The following MKNK2 variants were observed in gnomAD, a reference collection of about 807,000 sequenced individuals.
MKNK2 encodes MAP kinase-interacting serine/threonine-protein kinase 2.
MKNK2 carries 54 observed loss-of-function variants against 55.0 expected under a neutral mutation model. The ratio of observed to expected loss-of-function variants is 0.98; its 90% CI spans 0.79 to 1.23. The LOEUF (loss-of-function observed/expected upper bound fraction) is 1.23. Ranked by LOEUF, MKNK2 falls within the 50% of genes most tolerant of loss-of-function variation. The pLI is 0.00. For synonymous variants in MKNK2, 323 were observed against 256.0 expected (o/e 1.26, Z -2.50); for missense variants, 685 against 632.1 (o/e 1.08, Z -0.90).
In MKNK2 at chr19:2,041,641, G is replaced by A. The variant is rs562887915; in HGVS notation, c.945+199C>T. 1.8e-4 allele frequency among the ~76,000 whole-genome samples: 27 copies of A among 152,228 alleles called. No homozygotes were observed. In the East Asian group the frequency reaches 4.8e-3, roughly 27 times the overall value. On this transcript the variant is annotated intron_variant, in intron 11 of 13. Coordinates refer to ENST00000250896, the MANE Select transcript of MKNK2 (RefSeq NM_199054.3). ...AGGGCACACCGGGCAGGTCCCCAGG[G>A]GTTAGGGGGAGTACAGAGTAGGTCC...
intron 2 of MKNK2, among the ~76,000 whole-genome samples, chr19:2,050,050 G>A (rs1333172939): frequency 1.3e-5 from 2 of 152,146 alleles, no homozygotes; most frequent in South Asian, 2.1e-4. Flanking sequence ...GGGGTGGGGC[G>A]GGCCGGCTGA....
In MKNK2 at chr19:2,050,909, G is replaced by A. The variant is rs1428053522; in HGVS notation, c.-58C>T. On this transcript the variant is annotated 5_prime_UTR_variant, in exon 2 of 14. Coordinates refer to ENST00000250896, the MANE Select transcript of MKNK2 (RefSeq NM_199054.3). ...ACCGAGGGCCCGGGGGGAGGCCCGA[G>A]GGCGGGCGGCCGGGCGGGGGGCGGC... is the stretch of plus-strand genomic sequence containing the variant. The A allele has an allele frequency of 2.9e-6, 4 of 1,368,632 alleles. No homozygotes were observed. Among genetic ancestry groups the A allele is most frequent in the Non-Finnish European group, 2.0e-6 (2 of 1,022,758 alleles). 84.8% of individuals were successfully genotyped at this position (1,368,632 alleles called of 1,614,324 possible).
intron 2 of MKNK2, 76 bp downstream of exon 2, chr19:2,050,725 G>C: frequency 7.2e-7 from 1 of 1,396,222 alleles, no homozygotes; most frequent in Admixed American, 2.1e-5. Flanking sequence ...GATCTTAGGG[G>C]CGGGCCCCGC....
Position 2,042,610 on chromosome 19 carries a change from G to A in MKNK2, c.651C>T (p.Asn217=), listed in dbSNP as rs1307450069. 1.3e-6 allele frequency: 2 copies of A among 1,566,710 alleles called. No homozygotes were observed. The highest frequency in any genetic ancestry group is 1.2e-5 in the South Asian group (1 of 85,260). The stretch of plus-strand genomic sequence containing the variant: ...CACCCTGCCGGAACTGGCCTACCTG[G>A]TTGGGGTGCTCACAGAGGATGTTTT... ...KPENILCEHP[N]QVSPVKICDF... is the part of the protein sequence containing the mutation. Residue 217 remains asparagine (N), a synonymous_variant, in exon 9 of 14, where the codon AAC becomes AAT. Coordinates refer to ENST00000250896, the MANE Select transcript of MKNK2 (RefSeq NM_199054.3).
In MKNK2 at chr19:2,039,106, A is replaced by AG; in HGVS notation, c.*506dup. ...CCCTCCCTTCCCCAACCAAGCCACC[A>AG]GGGGTGCTCTCAGGGTGAGGGATAG... On this transcript the variant is annotated 3_prime_UTR_variant, in exon 14 of 14. Transcript: ENST00000250896. The AG allele has an allele frequency of 1.0e-6, 1 of 987,592 alleles. No individual in the cohort carries two copies. The highest frequency in any genetic ancestry group is 1.2e-6 in the Non-Finnish European group (1 of 831,092). The allele number at this position is 987,592 out of a possible 1,614,324, so 61.2% of individuals were successfully genotyped here.
intron 10 of MKNK2, 62 bp downstream of exon 10, chr19:2,042,365 C>T: frequency 7.0e-7 from 1 of 1,435,526 alleles, no homozygotes; most frequent in Middle Eastern, 2.3e-4. Context: ...GCCCAGGCTC[C>T]GCGAGGTTAT....
At position 2,039,597 on chromosome 19, in the gene MKNK2, A is replaced by T. The variant is rs377172658; in HGVS notation, c.*16T>A. Reference sequence around the variant, plus strand: ...TGGGGGACGGGTGACCTATGTACAGAGGGGAGATGGGAGGGTCAGGCGTGG... The same window carrying T: ...TGGGGGACGGGTGACCTATGTACAGTGGGGAGATGGGAGGGTCAGGCGTGG... On this transcript the variant is annotated 3_prime_UTR_variant, in exon 14 of 14. Transcript: ENST00000250896. 2.4e-5 allele frequency: 38 copies of T among 1,604,836 alleles called. No individual in the cohort carries two copies. The African/African-American group carries it at 4.7e-4, about 20-fold the overall frequency.
At chr19:2,046,317 C>T (rs749928173) in intron 4 of MKNK2, 34 bp from the exon 5 acceptor site, 3 of 1,603,522 alleles carry the variant, frequency 1.9e-6, no homozygotes, top group Admixed American at 3.3e-5. Flanking sequence ...GAGAGGGACC[C>T]TGGCTTTTCC....
In MKNK2 at chr19:2,042,778, G is replaced by T. The variant is rs757298708; in HGVS notation, c.586C>A (p.Leu196Met). The part of the protein sequence containing the change: ...VQDVASALDF[L>M]HNKGIAHRDL... The stretch of plus-strand genomic sequence containing the variant: ...GGTCACCACCTACCTTTGTTATGCA[G>T]AAAGTCCAAGGCGCTGGCCACGTCC... The change falls in exon 8 of 14, where the codon CTG becomes ATG. Residue 196 changes from leucine to methionine, a missense_variant. Coordinates refer to ENST00000250896, the MANE Select transcript of MKNK2 (RefSeq NM_199054.3). 2 of 1,577,604 alleles carry T rather than the reference G, an allele frequency of 1.3e-6. No individual in the cohort carries two copies. Among genetic ancestry groups the T allele is most frequent in the Non-Finnish European group, 8.6e-7 (1 of 1,160,212 alleles).
rs370243588 is a variant in MKNK2, at chr19:2,046,392, G to A, written c.216C>T (p.Thr72=). Residue 72 remains threonine, a synonymous_variant, in exon 4 of 14, where the codon ACC becomes ACT. Coordinates refer to ENST00000250896, the MANE Select transcript of MKNK2 (RefSeq NM_199054.3). ...RGKKKKRGRA[T]DSFSGRFEDV... ...CTTCAAACCTGCCCGAGAAGCTGTC[G>A]GTGGCCCGGCCGCGCTTCTTCTTCT... The A allele has an allele frequency of 8.8e-5, 142 of 1,608,542 alleles. No homozygotes were observed. Among genetic ancestry groups the A allele is most frequent in the African/African-American group, 1.3e-4 (10 of 74,910 alleles).
At chr19:2,047,508 C>G (rs1328817156) in intron 2 of MKNK2, among the ~76,000 whole-genome samples, 2 of 152,202 alleles carry the variant, frequency 1.3e-5, no homozygotes, top group African/African-American at 4.8e-5. Flanking sequence ...GTGTCTTGCA[C>G]CTCCGTCTGC....
At position 2,043,909 on chromosome 19, in the gene MKNK2, G is replaced by A. The variant is rs563289586; in HGVS notation, c.340-327C>T. ...GAATCACTTGAACCCGGGAGGTGGA[G>A]GTTGCAGGGAGCTGAGATCGCGCCA... On this transcript the variant is annotated intron_variant, in intron 5 of 13. Transcript: ENST00000250896. Among the ~76,000 whole-genome samples, 6 of 149,072 alleles carry A rather than the reference G, an allele frequency of 4.0e-5. 1 individual carries two copies. The South Asian group carries it at 1.3e-3, about 32-fold the overall frequency.
In MKNK2 at chr19:2,038,424, A is replaced by G. The variant is rs2016801017; in HGVS notation, c.*1189T>C. On this transcript the variant is annotated 3_prime_UTR_variant, in exon 14 of 14. Coordinates refer to ENST00000250896, the MANE Select transcript of MKNK2 (RefSeq NM_199054.3). ...ACCCTGTATTGCATAGAACGTCCCC[A>G]CCCGCGGGGAGGGGGCAGCAGGCTC... 1.0e-6 allele frequency: 1 copy of G among 984,080 alleles called. No homozygotes were observed. The highest frequency in any genetic ancestry group is 1.8e-5 in the African/African-American group (1 of 56,846). The allele number at this position is 984,080 out of a possible 1,614,324, so 61.0% of individuals were successfully genotyped here.
chr19:2,042,107 G>C (rs2016899501), intron 10 of MKNK2, 73 bp from the exon 11 acceptor site: 1 of 1,345,620 alleles, frequency 7.4e-7, no homozygotes. Flanking sequence ...GGTAACTGCG[G>C]GTCACCTGCG....
intron 10 of MKNK2, 56 bp from the exon 11 acceptor site, chr19:2,042,090 G>A (rs545986392): frequency 2.1e-6 from 3 of 1,399,146 alleles, no homozygotes; most frequent in East Asian, 5.8e-5. Flanking sequence ...CGTGGGAACC[G>A]AGCCCGGGTA....
intron 10 of MKNK2, 74 bp downstream of exon 10, chr19:2,042,353 T>C: frequency 7.5e-7 from 1 of 1,326,770 alleles, no homozygotes; most frequent in Non-Finnish European, 1.1e-6. Context: ...AGCTGCTGGA[T>C]GGCCCAGGCT....
intron 2 of MKNK2, among the ~76,000 whole-genome samples, chr19:2,047,254 T>C (rs1436336518): frequency 6.6e-6 from 1 of 151,946 alleles, no homozygotes; most frequent in Non-Finnish European, 1.5e-5. Flanking sequence ...TTGGGGGAGC[T>C]CCTGGCACGG....
intron 12 of MKNK2, chr19:2,040,406 T>C: frequency 1.9e-6 from 1 of 533,174 alleles, no homozygotes; most frequent in Non-Finnish European, 3.3e-6. Flanking sequence ...GGCTGAGGCC[T>C]GGTGTTACAG....
chr19:2,043,535 C>T lies in MKNK2; in HGVS notation c.387G>A (p.Glu129=), dbSNP rs189057272. 6.5e-5 allele frequency: 105 copies of T among 1,614,136 alleles called. No individual in the cohort carries two copies. In the East Asian group the frequency reaches 2.3e-3, roughly 35 times the overall value. ...CCTGGCACTGGTACAGCATCTCCAC[C>T]TCCCTGAAAACCCTGCTCCGAATGT... ...PGHIRSRVFR[E]VEMLYQCQGH... Residue 129 remains glutamate (E), a synonymous_variant, in exon 6 of 14, where the codon GAG becomes GAA. Coordinates refer to ENST00000250896, the MANE Select transcript of MKNK2 (RefSeq NM_199054.3).
Sources: gnomAD v4.1 joint callset for allele counts (sites outside exome capture counted in the v4.1 genomes callset) on GRCh38, gnomAD v4.1.1 for gene constraint, MANE v1.5 for transcripts, NCBI Gene and HGNC (gene_info 2026-07-23, HGNC 2026-07-21) for gene names.